The following RNF8 variants were observed in gnomAD, a reference collection of about 807,000 sequenced individuals.
RNF8 encodes the protein ring finger protein 8, also known as E3 ubiquitin-protein ligase RNF8.
Under a neutral mutation model 59.3 loss-of-function variants are expected in RNF8, and 8 were observed. That is an observed-to-expected ratio of 0.13 (90% CI 0.08 to 0.24). The LOEUF is 0.24. Ranked by LOEUF, RNF8 falls within the 10% of genes least tolerant of loss-of-function variation. The pLI is 1.00. For missense variants in RNF8, 406 were observed against 572.6 expected (o/e 0.71, Z 2.97); for synonymous variants, 162 against 200.0 (o/e 0.81, Z 1.60).
At position 37,369,187 on chromosome 6, in the gene RNF8, A is replaced by G; in HGVS notation, c.944A>G (p.Lys315Arg). 1 of 1,612,750 alleles carries G rather than the reference A, an allele frequency of 6.2e-7. No homozygotes were observed. Among genetic ancestry groups the G allele is most frequent in the South Asian group, 1.1e-5 (1 of 90,900 alleles). ...QQQARVEQLE[K>R]TFQEEEQHLQ... is the part of the protein sequence containing the mutation. ...CAGGCAAGAGTGGAGCAACTAGAGA[A>G]GACTTTCCAGGAAGAGGAACAGCAT... The change falls in exon 3 of 8, where the codon AAG becomes AGG. Residue 315 changes from lysine to arginine, a missense_variant. Physicochemically the swap from Lys to Arg is conservative, Grantham distance 26 (BLOSUM62 2). Transcript: ENST00000373479.
rs573189671 is a variant in RNF8 at position 37,356,842 on chromosome 6, G to A, written c.111+2567G>A. The stretch of plus-strand genomic sequence containing the variant: ...ACACCTTCACCTCCCTGGTTCAAGT[G>A]GTTCTTCTGTCTCAGCCTCCGAAGT... On this transcript the variant is annotated intron_variant, in intron 1 of 7. Coordinates refer to ENST00000373479, the MANE Select transcript of RNF8 (RefSeq NM_003958.4). 2.0e-5 allele frequency among the ~76,000 whole-genome samples: 3 copies of A among 152,262 alleles called. No individual in the cohort carries two copies. The South Asian group carries it at 6.2e-4, about 32-fold the overall frequency.
intron 7 of RNF8, among the ~76,000 whole-genome samples, chr6:37,389,004 C>A (rs1462029411): frequency 6.6e-6 from 1 of 151,466 alleles, no homozygotes; most frequent in Non-Finnish European, 1.5e-5. Flanking sequence ...TAGGGTAGAT[C>A]CCCCTCATTA....
At chr6:37,382,493 A>G (rs892287742) in intron 7 of RNF8, among the ~76,000 whole-genome samples, 1 of 151,564 alleles carries the variant, frequency 6.6e-6, no homozygotes, top group African/African-American at 2.4e-5. Flanking sequence ...GGCTTTGTGA[A>G]TTTTTTTTTC....
At chr6:37,387,782 T>C (rs184165435) in intron 7 of RNF8, among the ~76,000 whole-genome samples, 27 of 152,222 alleles carry the variant, frequency 1.8e-4, no homozygotes, top group Admixed American at 1.6e-3. Flanking sequence ...AGTCCTACAA[T>C]ATGAGAAATA....
intron 1 of RNF8, among the ~76,000 whole-genome samples, chr6:37,354,548 G>C (rs896697150): frequency 6.6e-6 from 1 of 152,096 alleles, no homozygotes; most frequent in Non-Finnish European, 1.5e-5. Context: ...GTTCGGCTCT[G>C]GGGAGCCCGG....
intron 2 of RNF8, among the ~76,000 whole-genome samples, chr6:37,363,698 C>T (rs573199012): frequency 6.6e-6 from 1 of 152,252 alleles, no homozygotes; most frequent in East Asian, 1.9e-4. Flanking sequence ...AATTATTTGG[C>T]ATTATTCATT....
chr6:37,359,144 A>G (rs1451944606), intron 1 of RNF8: 1 of 433,466 alleles, frequency 2.3e-6, no homozygotes, highest in African/African-American at 2.1e-5. Flanking sequence ...GAATTCTGTG[A>G]TCTGGAACTC....
At chr6:37,359,127 A>G (rs952885934) in intron 1 of RNF8, 6 of 420,548 alleles carry the variant, frequency 1.4e-5, no homozygotes, top group African/African-American at 8.4e-5. Flanking sequence ...AACAAAAAAG[A>G]ATAAGGGAAT....
At chr6:37,390,160 A>T (rs1306798396) in intron 7 of RNF8, among the ~76,000 whole-genome samples, 3 of 152,224 alleles carry the variant, frequency 2.0e-5, no homozygotes, top group Non-Finnish European at 4.4e-5. Flanking sequence ...AACATCTTTA[A>T]CAGATATATT....
chr6:37,362,585 C>T (rs1769370008), intron 2 of RNF8, among the ~76,000 whole-genome samples: 1 of 152,172 alleles, frequency 6.6e-6, no homozygotes, highest in African/African-American at 2.4e-5. Flanking sequence ...TCCCCCCTGC[C>T]CCCTGCACTT....
chr6:37,357,006 T>C (rs1769144975), intron 1 of RNF8, among the ~76,000 whole-genome samples: 1 of 152,224 alleles, frequency 6.6e-6, no homozygotes, highest in African/African-American at 2.4e-5. Context: ...CCCAAAGTGC[T>C]GGAATTACAG....
intron 1 of RNF8, chr6:37,359,198 G>C (rs953967669): frequency 2.2e-6 from 1 of 455,398 alleles, no homozygotes; most frequent in African/African-American, 2.0e-5. Context: ...TTATGAACTA[G>C]ACTGGTCCAA....
At chr6:37,373,800 C>G (rs545387234) in intron 4 of RNF8, among the ~76,000 whole-genome samples, 84 of 152,050 alleles carry the variant, frequency 5.5e-4, no homozygotes, top group African/African-American at 1.9e-3. Context: ...GACATAACTG[C>G]TTTTTTTTGT....
At chr6:37,364,676 T>C (rs960029153) in intron 2 of RNF8, among the ~76,000 whole-genome samples, 1 of 152,238 alleles carries the variant, frequency 6.6e-6, no homozygotes, top group Non-Finnish European at 1.5e-5. Flanking sequence ...TATATACTTG[T>C]CCAGTGATCC....
intron 1 of RNF8, among the ~76,000 whole-genome samples, chr6:37,356,618 T>G (rs1354692693): frequency 6.6e-6 from 1 of 152,212 alleles, no homozygotes; most frequent in Non-Finnish European, 1.5e-5. Flanking sequence ...CTATAAAGTA[T>G]CTAGGCCTTT....
rs1204226738 is a variant in RNF8 at position 37,370,132 on chromosome 6, C to CTT, written c.975+918_975+919dup. On this transcript the variant is annotated intron_variant, in intron 3 of 7. Coordinates refer to ENST00000373479, the MANE Select transcript of RNF8 (RefSeq NM_003958.4). ...ACCAGTCACAACTAAAGTGAATAAG[C>CTT]TTTTTGTTTGGGTTGCTCAGGGTAA... 2.6e-5 allele frequency: 4 copies of CTT among 152,140 alleles called. No homozygotes were observed. In the East Asian group the frequency reaches 7.7e-4, roughly 29 times the overall value. 9.4% of individuals were successfully genotyped at this position (152,140 alleles called of 1,614,324 possible).
chr6:37,384,052 A>T (rs959523656), intron 7 of RNF8, among the ~76,000 whole-genome samples: 7 of 152,068 alleles, frequency 4.6e-5, no homozygotes, highest in Admixed American at 3.3e-4. Flanking sequence ...TGTAGAAATA[A>T]AATCTCCTTG....
At chr6:37,382,708 G>A (rs1213958211) in intron 7 of RNF8, among the ~76,000 whole-genome samples, 17 of 152,116 alleles carry the variant, frequency 1.1e-4, no homozygotes, top group Admixed American at 8.5e-4. Flanking sequence ...GGCTGGGCAC[G>A]GTGGCTCATG....
At chr6:37,369,786 A>G (rs1016564814) in intron 3 of RNF8, 5 of 153,854 alleles carry the variant, frequency 3.2e-5, no homozygotes, top group Non-Finnish European at 7.2e-5. Flanking sequence ...TTCTATTTTG[A>G]GCAGCCAGCA....
Sources: gnomAD v4.1 joint callset for allele counts (sites outside exome capture counted in the v4.1 genomes callset) on GRCh38, gnomAD v4.1.1 for gene constraint, MANE v1.5 for transcripts, NCBI Gene and HGNC (gene_info 2026-07-23, HGNC 2026-07-21) for gene names.